The following CHIC2 variants were observed in gnomAD, a reference collection of about 807,000 sequenced individuals.
CHIC2 encodes the protein cysteine rich hydrophobic domain 2, also known as cysteine-rich hydrophobic domain-containing protein 2.
A neutral mutation model predicts 25.9 loss-of-function variants in CHIC2; 14 were observed. The ratio of observed to expected loss-of-function variants is 0.54; its 90% confidence interval spans 0.36 to 0.85. The LOEUF is 0.85. Among genes scored for constraint, CHIC2 ranks in the 40% least tolerant of loss-of-function variants. The probability of loss-of-function intolerance (pLI) is 0.01; values close to 1 mark genes in which losing one functional copy is unlikely to be tolerated. For synonymous variants in CHIC2, 70 were observed against 72.0 expected (o/e 0.97, Z 0.14); for missense variants, 146 against 202.0 (o/e 0.72, Z 1.68).
chr4:54,036,929 T>C (rs1716405224), intron 3 of CHIC2, among the ~76,000 whole-genome samples: 1 of 152,084 alleles, frequency 6.6e-6, no homozygotes, highest in Admixed American at 6.5e-5. Context: ...GCAGCTTTAT[T>C]TATACAGACC....
At chr4:54,031,447 T>G (rs532087723) in intron 3 of CHIC2, among the ~76,000 whole-genome samples, 1 of 152,208 alleles carries the variant, frequency 6.6e-6, no homozygotes, top group South Asian at 2.1e-4. Context: ...CAAATATTTA[T>G]TGAACACCAA....
chr4:54,074,597 A>ACACACACAC, the CHIC2 span, among the ~76,000 whole-genome samples: 47 of 139,712 alleles, frequency 3.4e-4, no homozygotes, highest in African/African-American at 1.1e-3. Flanking sequence ...ACAACACACA[A>ACACACACAC]ACACACACAC....
chr4:54,047,495 T>A (rs2110083927), intron 3 of CHIC2, among the ~76,000 whole-genome samples: 2 of 152,102 alleles, frequency 1.3e-5, no homozygotes, highest in South Asian at 4.2e-4. Flanking sequence ...TCATGTCCTT[T>A]GTAAGGACAT....
the CHIC2 span, among the ~76,000 whole-genome samples, chr4:54,071,045 C>A: frequency 6.6e-6 from 1 of 152,148 alleles, no homozygotes; most frequent in Non-Finnish European, 1.5e-5. Flanking sequence ...TACAACTATG[C>A]AAAAGGCCTT....
Position 54,064,192 on chromosome 4 carries a change from G to C in CHIC2, c.109C>G (p.His37Asp). Residue 37 changes from histidine to aspartate, a missense_variant, in exon 1 of 6, where the codon CAC becomes GAC. Coordinates refer to ENST00000263921, the MANE Select transcript of CHIC2 (RefSeq NM_012110.4). The surrounding 1 kb of genome is among the most constrained non-coding windows in gnomAD (Gnocchi z 4.2). ...PDPVVVRGSG[H>D]VTVFGLSNKF... Reference sequence around the variant, plus strand: ...TCCTCCGGGCCTTACACGGTGACGTGACCGGAGCCGCGGACGACCACCGGG... The same window carrying C: ...TCCTCCGGGCCTTACACGGTGACGTCACCGGAGCCGCGGACGACCACCGGG... 1 of 1,603,826 alleles carries C rather than the reference G, an allele frequency of 6.2e-7. No individual in the cohort carries two copies. Among genetic ancestry groups the C allele is most frequent in the East Asian group, 2.3e-5 (1 of 44,346 alleles).
At chr4:54,078,101 G>T in the CHIC2 span, among the ~76,000 whole-genome samples, 38 of 152,206 alleles carry the variant, frequency 2.5e-4, no homozygotes, top group Admixed American at 1.3e-4. Context: ...TGTCTCACAT[G>T]TGGGATTCTA....
At chr4:54,068,025 G>A (rs1361846096), upstream of CHIC2, among the ~76,000 whole-genome samples, 2 of 151,870 alleles carry the variant, frequency 1.3e-5, no homozygotes, top group Non-Finnish European at 2.9e-5. Context: ...AGAGGCTGGG[G>A]CCCTCATGAT....
chr4:54,087,033 T>C, the CHIC2 span: 1 of 1,125,696 alleles, frequency 8.9e-7, no homozygotes, highest in Non-Finnish European at 1.3e-6. Flanking sequence ...AGGGGCCTCC[T>C]CAGGAAAGAA....
upstream of CHIC2, among the ~76,000 whole-genome samples, chr4:54,067,925 C>T (rs575547012): frequency 6.6e-6 from 1 of 150,928 alleles, no homozygotes; most frequent in African/African-American, 2.4e-5. Flanking sequence ...TTTGTCCCCC[C>T]CCCCAAATTC....
chr4:54,013,799 T>C (rs767818452), intron 5 of CHIC2, 38 bp downstream of exon 5: 9 of 1,588,364 alleles, frequency 5.7e-6, no homozygotes, highest in Non-Finnish European at 7.8e-6. Flanking sequence ...TAAATGATCA[T>C]TTAATAGAGA....
chr4:54,075,358 C>T, the CHIC2 span, among the ~76,000 whole-genome samples: 1 of 152,128 alleles, frequency 6.6e-6, no homozygotes, highest in East Asian at 1.9e-4. Flanking sequence ...AGTTACTGGA[C>T]GAATAACTTA....
chr4:54,071,662 A>G, the CHIC2 span, among the ~76,000 whole-genome samples: 4 of 152,222 alleles, frequency 2.6e-5, no homozygotes, highest in Non-Finnish European at 4.4e-5. Flanking sequence ...AGTACCTGCC[A>G]TATAATTAGT....
intron 3 of CHIC2, among the ~76,000 whole-genome samples, chr4:54,048,321 G>C (rs1333042925): frequency 6.6e-6 from 1 of 152,052 alleles, no homozygotes; most frequent in Non-Finnish European, 1.5e-5. Flanking sequence ...TCAAAATAAT[G>C]AGTCTTTGAA....
chr4:54,049,606 AAAGT>A (rs1250641080), intron 1 of CHIC2, among the ~76,000 whole-genome samples: 2 of 152,218 alleles, frequency 1.3e-5, no homozygotes, highest in Non-Finnish European at 2.9e-5. Context: ...TATATCTTAA[AAAGT>A]AACTACAAAG....
intron 3 of CHIC2, among the ~76,000 whole-genome samples, chr4:54,043,632 C>A (rs1243899906): frequency 6.6e-6 from 1 of 152,036 alleles, no homozygotes; most frequent in African/African-American, 2.4e-5. Context: ...CAGGCCTGCC[C>A]TAAAAGAGCT....
intron 3 of CHIC2, among the ~76,000 whole-genome samples, chr4:54,046,268 A>G (rs1421766252): frequency 6.6e-5 from 10 of 152,204 alleles, no homozygotes; most frequent in Non-Finnish European, 1.5e-4. Flanking sequence ...TCAAGCTACC[A>G]ATGACTTTCT....
chr4:54,050,118 T>C (rs567795430), intron 1 of CHIC2, among the ~76,000 whole-genome samples: 3 of 152,312 alleles, frequency 2.0e-5, no homozygotes, highest in African/African-American at 7.2e-5. Context: ...TCACAACTAC[T>C]GAGCACATTC....
intron 3 of CHIC2, among the ~76,000 whole-genome samples, chr4:54,016,463 G>C (rs1715742985): frequency 6.6e-6 from 1 of 151,996 alleles, no homozygotes; most frequent in Non-Finnish European, 1.5e-5. Context: ...TTTCTTCTCT[G>C]TTTATAATTA....
At position 54,016,774 on chromosome 4, in the gene CHIC2, AC is replaced by A. The variant is rs762961106; in HGVS notation, c.331-2656del. ...TGAGAACATACAAAACCAGAAAGGAACCCTTGATTTGAGTGGAACATTTCTA... is the reference window on the plus strand; with the variant it reads ...TGAGAACATACAAAACCAGAAAGGAACCTTGATTTGAGTGGAACATTTCTA... On this transcript the variant is annotated intron_variant, in intron 3 of 5. Coordinates refer to ENST00000263921, the MANE Select transcript of CHIC2 (RefSeq NM_012110.4). Among the ~76,000 whole-genome samples the A allele has an allele frequency of 7.9e-5, 12 of 152,164 alleles. No homozygotes were observed. In the East Asian group the frequency reaches 1.9e-3, roughly 24 times the overall value.
Sources: gnomAD v4.1 joint callset for allele counts (sites outside exome capture counted in the v4.1 genomes callset) on GRCh38, gnomAD v4.1.1 for gene constraint, Gnocchi (gnomAD v3.1) non-coding constraint, MANE v1.5 for transcripts, NCBI Gene and HGNC (gene_info 2026-07-23, HGNC 2026-07-21) for gene names.